GRIK2: variants seen among roughly 807,000 people sequenced by gnomAD.
The protein encoded by GRIK2 is glutamate receptor ionotropic, kainate 2.
GRIK2 carries 32 observed loss-of-function variants against 100.3 expected under a neutral mutation model. The observed-to-expected ratio is 0.32, with a 90% CI of 0.24 to 0.43. The LOEUF (loss-of-function observed/expected upper bound fraction) is 0.43, where lower values mean the gene tolerates loss of function less well. GRIK2 is among the 20% of genes least tolerant of loss of function. The pLI is 1.00. For missense variants in GRIK2, 843 were observed against 1,114.9 expected (o/e 0.76, Z 3.47); for synonymous variants, 417 against 389.4 (o/e 1.07, Z -0.83).
At chr6:101,494,091 T>A (rs1161940546) in intron 2 of GRIK2, among the ~76,000 whole-genome samples, 1 of 149,034 alleles carries the variant, frequency 6.7e-6, no homozygotes, top group African/African-American at 2.4e-5. Context: ...ATGTTATTTA[T>A]ATACACAGCA....
At chr6:101,920,148 C>T (rs1789394598) in intron 12 of GRIK2, among the ~76,000 whole-genome samples, 1 of 151,854 alleles carries the variant, frequency 6.6e-6, no homozygotes, top group Admixed American at 6.6e-5. Context: ...ACTTGACCCT[C>T]TTCATTTTAT....
At chr6:101,547,721 G>T (rs1320845094) in intron 2 of GRIK2, among the ~76,000 whole-genome samples, 2 of 151,864 alleles carry the variant, frequency 1.3e-5, no homozygotes, top group Non-Finnish European at 2.9e-5. Flanking sequence ...GTCTATCATT[G>T]TTGGACATTT....
intron 2 of GRIK2, among the ~76,000 whole-genome samples, chr6:101,555,849 A>G (rs905403761): frequency 2.0e-5 from 3 of 152,180 alleles, no homozygotes; most frequent in African/African-American, 4.8e-5. Context: ...AATTTTGACA[A>G]AAATGTCTTA....
intron 1 of GRIK2, among the ~76,000 whole-genome samples, chr6:101,397,262 A>G (rs1351239246): frequency 3.3e-5 from 5 of 152,176 alleles, no homozygotes; most frequent in Non-Finnish European, 7.4e-5. Flanking sequence ...TTCCCCTGGC[A>G]GTCATTATTA....
At chr6:101,686,866 C>T (rs1365234665) in intron 7 of GRIK2, among the ~76,000 whole-genome samples, 1 of 151,944 alleles carries the variant, frequency 6.6e-6, no homozygotes, top group Non-Finnish European at 1.5e-5. Flanking sequence ...AACCCAGAAG[C>T]GGCACTATTG....
At chr6:101,397,952 ATTAC>A (rs1187360871) in intron 1 of GRIK2, among the ~76,000 whole-genome samples, 3 of 152,030 alleles carry the variant, frequency 2.0e-5, no homozygotes, top group Non-Finnish European at 4.4e-5. Context: ...TAGACAGAAT[ATTAC>A]TTATTTTAAT....
intron 12 of GRIK2, among the ~76,000 whole-genome samples, chr6:101,897,277 G>C (rs1787531398): frequency 6.7e-6 from 1 of 149,652 alleles, no homozygotes; most frequent in African/African-American, 2.5e-5. Flanking sequence ...ATATTTTTTT[G>C]AGGTGTCTTT....
At chr6:101,546,412 G>T (rs1302890689) in intron 2 of GRIK2, among the ~76,000 whole-genome samples, 1 of 152,034 alleles carries the variant, frequency 6.6e-6, no homozygotes, top group Non-Finnish European at 1.5e-5. Flanking sequence ...TAATTTGTCT[G>T]AACTTTTAAG....
At chr6:101,709,909 C>T (rs939731791) in intron 7 of GRIK2, among the ~76,000 whole-genome samples, 6 of 151,776 alleles carry the variant, frequency 4.0e-5, no homozygotes, top group Non-Finnish European at 8.8e-5. Context: ...TTGCCATTAA[C>T]GTTCAGCCTT....
chr6:102,028,095 G>T (rs1769796335), intron 14 of GRIK2, among the ~76,000 whole-genome samples: 1 of 150,976 alleles, frequency 6.6e-6, no homozygotes, highest in South Asian at 2.1e-4. Flanking sequence ...TAATTTCCAG[G>T]TTGCAAACTT....
At chr6:101,417,637 G>A (rs1374677933) in intron 2 of GRIK2, among the ~76,000 whole-genome samples, 3 of 152,134 alleles carry the variant, frequency 2.0e-5, no homozygotes, top group African/African-American at 4.8e-5. Flanking sequence ...AAAGGATGTG[G>A]GCGTAGAATT....
intron 2 of GRIK2, among the ~76,000 whole-genome samples, chr6:101,439,224 A>C (rs1259709128): frequency 1.3e-5 from 2 of 152,082 alleles, no homozygotes; most frequent in East Asian, 3.9e-4. Context: ...ATGGGACTGT[A>C]GTTTGGGCAC....
At position 101,795,871 on chromosome 6, in the gene GRIK2, C is replaced by T. The variant is rs551081504; in HGVS notation, c.952-3777C>T. The stretch of plus-strand genomic sequence containing the variant: ...AATAGGACAGGGCAATCTCCATGCC[C>T]CAGGTATAACAATGTATTTCTTTTT... On this transcript the variant is annotated intron_variant, in intron 7 of 16. Transcript: ENST00000369134. Among the ~76,000 whole-genome samples, 172 of 152,210 alleles carry T rather than the reference C, an allele frequency of 1.1e-3. 1 individual carries two copies. Among genetic ancestry groups the T allele is most frequent in the African/African-American group, 3.3e-3 (135 of 41,528 alleles).
At chr6:101,556,759 A>G (rs1037591107) in intron 2 of GRIK2, among the ~76,000 whole-genome samples, 1 of 152,160 alleles carries the variant, frequency 6.6e-6, no homozygotes, top group Non-Finnish European at 1.5e-5. Context: ...CACCTGGCCA[A>G]GATCACTTAG....
intron 7 of GRIK2, among the ~76,000 whole-genome samples, chr6:101,738,884 T>C (rs962497767): frequency 1.3e-5 from 2 of 152,136 alleles, no homozygotes; most frequent in African/African-American, 4.8e-5. Context: ...ACAATATTAG[T>C]GATGATAAGT....
At chr6:101,577,943 C>T (rs758907749) in intron 2 of GRIK2, among the ~76,000 whole-genome samples, 27 of 152,030 alleles carry the variant, frequency 1.8e-4, no homozygotes, top group Admixed American at 1.4e-3. Flanking sequence ...GGAATGCCTA[C>T]GAAAGGTTGA....
intron 2 of GRIK2, among the ~76,000 whole-genome samples, chr6:101,482,970 T>G (rs1355810425): frequency 1.3e-5 from 2 of 152,254 alleles, no homozygotes; most frequent in Non-Finnish European, 2.9e-5. Context: ...TTTGGTAGTA[T>G]TAATAAACAA....
At chr6:102,043,413 A>ATCATC (rs1221569833) in intron 15 of GRIK2, among the ~76,000 whole-genome samples, 1 of 151,690 alleles carries the variant, frequency 6.6e-6, no homozygotes, top group Non-Finnish European at 1.5e-5. Context: ...CCCTTTGACC[A>ATCATC]TCATCTCCCC....
chr6:101,406,712 G>T (rs796399599), intron 2 of GRIK2, among the ~76,000 whole-genome samples: 1 of 152,154 alleles, frequency 6.6e-6, no homozygotes, highest in South Asian at 2.1e-4. Flanking sequence ...TGAGAAAAGA[G>T]AGAAGTTAAA....
Sources: gnomAD v4.1 joint callset for allele counts (sites outside exome capture counted in the v4.1 genomes callset) on GRCh38, gnomAD v4.1.1 for gene constraint, MANE v1.5 for transcripts, NCBI Gene and HGNC (gene_info 2026-07-23, HGNC 2026-07-21) for gene names.